Variants in SLC25A48 observed in about 807,000 individuals in gnomAD.
SLC25A48 encodes the protein solute carrier family 25 member 48.
SLC25A48 carries 29 observed loss-of-function variants against 32.2 expected under a neutral mutation model. That is an observed-to-expected ratio of 0.90 (90% CI 0.67 to 1.23). The LOEUF is 1.23. Ranked by LOEUF, SLC25A48 falls within the 50% of genes most tolerant of loss-of-function variation. The probability of loss-of-function intolerance (pLI) is 0.00; values close to 1 mark genes in which losing one functional copy is unlikely to be tolerated. For missense variants in SLC25A48, 399 were observed against 422.7 expected (o/e 0.94, Z 0.49); for synonymous variants, 164 against 172.3 (o/e 0.95, Z 0.38).
At chr5:135,786,135 C>T (rs1288523850) in intron 3 of SLC25A48, among the ~76,000 whole-genome samples, 1 of 151,116 alleles carries the variant, frequency 6.6e-6, no homozygotes, top group Non-Finnish European at 1.5e-5. Flanking sequence ...GGGTGGAACA[C>T]CCCCCTTGCT....
chr5:135,658,378 T>C lies in SLC25A48; in HGVS notation c.-521+23422T>C, dbSNP rs537911528. ...TTCGTGTCTCATATCCAGGGCACAC[T>C]GATGCTAAGGGTGGGCTCCCAAGGC... On this transcript the variant is annotated intron_variant, in intron 3 of 10. Transcript: ENST00000646290. 1.1e-4 allele frequency among the ~76,000 whole-genome samples: 17 copies of C among 152,310 alleles called. No homozygotes were observed. The South Asian group carries it at 2.1e-3, about 19-fold the overall frequency.
intron 3 of SLC25A48, among the ~76,000 whole-genome samples, chr5:135,715,408 C>A (rs1580808621): frequency 1.3e-5 from 2 of 152,316 alleles, no homozygotes; most frequent in South Asian, 4.1e-4. Flanking sequence ...CTCTCCCCAG[C>A]AAGCCTGATG....
chr5:135,650,570 C>A lies in SLC25A48; in HGVS notation c.-521+15614C>A, dbSNP rs116204898. On this transcript the variant is annotated intron_variant, in intron 3 of 10. Coordinates refer to the SLC25A48 transcript ENST00000646290. Reference sequence around the variant, plus strand: ...TGATGGAGTGGAACTAAAAAAAAAACAACAACAGAACTCTTTCTTTCAAAG... The same window carrying A: ...TGATGGAGTGGAACTAAAAAAAAAAAAACAACAGAACTCTTTCTTTCAAAG... 5.3e-3 allele frequency: 1,857 copies of A among 350,082 alleles called. 40 individuals carry two copies. The highest frequency in any genetic ancestry group is 0.037 in the African/African-American group (1,660 of 44,578). The allele number at this position is 350,082 out of a possible 1,614,324, so 21.7% of individuals were successfully genotyped here. A position where few individuals can be genotyped will look rare whatever the true frequency, so the allele number is the denominator to read the frequency against.
chr5:135,825,315 C>T (rs1490766693), intron 4 of SLC25A48, among the ~76,000 whole-genome samples: 2 of 152,194 alleles, frequency 1.3e-5, no homozygotes, highest in Non-Finnish European at 2.9e-5. Context: ...TGGCCAAGGG[C>T]ACATAGCTAG....
chr5:135,777,732 C>T (rs1227727397), intron 3 of SLC25A48, among the ~76,000 whole-genome samples: 1 of 150,734 alleles, frequency 6.6e-6, no homozygotes, highest in African/African-American at 2.4e-5. Context: ...AATTATATTA[C>T]TCCCAATACC....
intron 3 of SLC25A48, chr5:135,652,388 C>CA (rs1753136900): frequency 6.6e-6 from 3 of 456,124 alleles, no homozygotes; most frequent in Admixed American, 2.3e-5. Context: ...CCAGCACCAC[C>CA]ATCCATGGAT....
rs1275283571 is a variant in SLC25A48 at position 135,782,570 on chromosome 5, G to T, written c.-520-29953G>T. On this transcript the variant is annotated intron_variant, in intron 3 of 10. Transcript: ENST00000646290. ...TTACTTTTAATATGGTAGGGAGGGTGGTTAACCCACCCTGTGAGAGTGTTC... is the reference window on the plus strand; with the variant it reads ...TTACTTTTAATATGGTAGGGAGGGTTGTTAACCCACCCTGTGAGAGTGTTC... Among the ~76,000 whole-genome samples the T allele has an allele frequency of 1.3e-4, 15 of 116,698 alleles. 4 individuals carry two copies. The highest frequency in any genetic ancestry group is 1.0e-3 in the Admixed American group (12 of 11,458). The allele number at this position is 116,698 out of a possible 152,430, so 76.6% of individuals were successfully genotyped here.
intron 1 of SLC25A48, among the ~76,000 whole-genome samples, chr5:135,607,920 G>A (rs1026646492): frequency 6.6e-6 from 1 of 152,206 alleles, no homozygotes; most frequent in Non-Finnish European, 1.5e-5. Flanking sequence ...GGGATCTGAG[G>A]CAAGTCTCCT....
At chr5:135,779,073 C>G (rs1730196772) in intron 3 of SLC25A48, among the ~76,000 whole-genome samples, 1 of 151,782 alleles carries the variant, frequency 6.6e-6, no homozygotes, top group Non-Finnish European at 1.5e-5. Context: ...GTACAACCCC[C>G]TGTGATATTT....
At chr5:135,828,069 G>C (rs17169187) in intron 4 of SLC25A48, among the ~76,000 whole-genome samples, 27,834 of 152,216 alleles carry the variant, frequency 0.18, 2,838 homozygotes, top group East Asian at 0.43. Flanking sequence ...ACCCCTTGGC[G>C]AGCTGGAGGT....
chr5:135,593,989 C>T (rs1751586991), intron 1 of SLC25A48, among the ~76,000 whole-genome samples: 1 of 152,208 alleles, frequency 6.6e-6, no homozygotes, highest in African/African-American at 2.4e-5. Flanking sequence ...ATCTTGTTTA[C>T]CTGGCACAGT....
chr5:135,796,836 A>G (rs989471172), intron 3 of SLC25A48, among the ~76,000 whole-genome samples: 6 of 151,576 alleles, frequency 4.0e-5, no homozygotes, highest in Admixed American at 2.6e-4. Context: ...GTGTGCCACC[A>G]CTGTGATACT....
chr5:135,748,320 A>T lies in SLC25A48; in HGVS notation c.-520-64203A>T, dbSNP rs1032738539. 2.0e-5 allele frequency among the ~76,000 whole-genome samples: 3 copies of T among 152,278 alleles called. No individual in the cohort carries two copies. In the South Asian group the frequency reaches 6.2e-4, roughly 32 times the overall value. The stretch of plus-strand genomic sequence containing the variant: ...CTTTTTATTTTTATTCTCTTTTGAG[A>T]TGGAATCTCACTCTGTCACAGTTGC... On this transcript the variant is annotated intron_variant, in intron 3 of 10. Coordinates refer to the SLC25A48 transcript ENST00000646290.
chr5:135,686,082 C>T (rs77306716), intron 3 of SLC25A48, among the ~76,000 whole-genome samples: 7,165 of 152,234 alleles, frequency 0.047, 256 homozygotes, highest in African/African-American at 0.1. Flanking sequence ...AGTGTCCTCT[C>T]TATTATCATG....
At position 135,818,054 on chromosome 5, in the gene SLC25A48, CCTCTCTCT is replaced by C. The variant is rs58632457; in HGVS notation, c.-117+5186_-117+5193del. The stretch of plus-strand genomic sequence containing the variant: ...GTTTCCCAGGTTTGTTCTCTCTGTT[CCTCTCTCT>C]CTCTCTCTCTCTCTCTCTCTCTCTC... On this transcript the variant is annotated intron_variant, in intron 4 of 10. Transcript: ENST00000646290. Among the ~76,000 whole-genome samples, 615 of 80,576 alleles carry C rather than the reference CCTCTCTCT, an allele frequency of 7.6e-3. 9 individuals are homozygous for C. Among genetic ancestry groups the C allele is most frequent in the East Asian group, 0.025 (67 of 2,654 alleles). 52.9% of individuals were successfully genotyped at this position (80,576 alleles called of 152,430 possible). A position where few individuals can be genotyped will look rare whatever the true frequency, so the allele number is the denominator to read the frequency against.
intron 4 of SLC25A48, among the ~76,000 whole-genome samples, chr5:135,855,433 A>G (rs181355872): frequency 1.3e-5 from 2 of 152,314 alleles, no homozygotes; most frequent in East Asian, 3.9e-4. Flanking sequence ...CTCATAATTC[A>G]TCTTGTAACA....
chr5:135,625,200 C>T (rs1752417256), intron 1 of SLC25A48, among the ~76,000 whole-genome samples: 1 of 152,030 alleles, frequency 6.6e-6, no homozygotes, highest in African/African-American at 2.4e-5. Context: ...TTAACCTGGT[C>T]CCTGAAGGGA....
chr5:135,805,934 G>A (rs921041416), intron 3 of SLC25A48, among the ~76,000 whole-genome samples: 2 of 151,598 alleles, frequency 1.3e-5, no homozygotes, highest in African/African-American at 4.8e-5. Flanking sequence ...TCCAGTGGGT[G>A]CACACCCTGT....
chr5:135,752,325 C>G (rs1043475873), intron 3 of SLC25A48, among the ~76,000 whole-genome samples: 4 of 152,188 alleles, frequency 2.6e-5, no homozygotes, highest in African/African-American at 9.7e-5. Context: ...AATCCCAGCA[C>G]TTTGGGAGGC....
Sources: gnomAD v4.1 joint callset for allele counts (sites outside exome capture counted in the v4.1 genomes callset) on GRCh38, gnomAD v4.1.1 for gene constraint, MANE v1.5 for transcripts, NCBI Gene and HGNC (gene_info 2026-07-23, HGNC 2026-07-21) for gene names.